The following ULK4 variants were observed in gnomAD, a reference collection of about 807,000 sequenced individuals.
The protein encoded by ULK4 is unc-51 like kinase 4, also known as inactive serine/threonine-protein kinase ULK4.
A neutral mutation model predicts 160.6 loss-of-function variants in ULK4; 133 were observed. That is an observed-to-expected ratio of 0.83 (90% CI 0.72 to 0.96). ULK4 has a LOEUF of 0.96. Among genes scored for constraint, ULK4 ranks in the 40% least tolerant of loss-of-function variants. The pLI, the probability that ULK4 is intolerant of heterozygous loss-of-function variation, is 0.00. For missense variants in ULK4, 1,580 were observed against 1,499.5 expected (o/e 1.05, Z -0.89); for synonymous variants, 534 against 539.8 (o/e 0.99, Z 0.15).
chr3:41,744,333 A>G (rs1467294406), intron 22 of ULK4, among the ~76,000 whole-genome samples: 1 of 151,992 alleles, frequency 6.6e-6, no homozygotes, highest in South Asian at 2.1e-4. Context: ...AATGATATAG[A>G]TAAGTTTAAA....
intron 17 of ULK4, among the ~76,000 whole-genome samples, chr3:41,870,149 T>C (rs1001859748): frequency 1.3e-5 from 2 of 152,240 alleles, no homozygotes; most frequent in African/African-American, 2.4e-5. Context: ...TTAGTTTTGA[T>C]ATTCAGCAGT....
chr3:41,263,434 A>G (rs1387086692), intron 35 of ULK4, among the ~76,000 whole-genome samples: 3 of 152,224 alleles, frequency 2.0e-5, no homozygotes, highest in Middle Eastern at 6.8e-3. Context: ...AGGGAAGCAA[A>G]GTAGAGCCAT....
chr3:41,863,568 G>A (rs60997715), intron 17 of ULK4, among the ~76,000 whole-genome samples: 4,365 of 152,038 alleles, frequency 0.029, 203 homozygotes, highest in African/African-American at 0.1. Flanking sequence ...CCTGAAGCCA[G>A]CAAGTCTTAG....
intron 36 of ULK4, among the ~76,000 whole-genome samples, chr3:41,248,582 G>C (rs545264890): frequency 6.6e-6 from 1 of 152,306 alleles, no homozygotes; most frequent in East Asian, 1.9e-4. Context: ...CACCTTCTTA[G>C]CAATGCTTCA....
intron 35 of ULK4, among the ~76,000 whole-genome samples, chr3:41,357,167 C>T (rs982126754): frequency 8.5e-5 from 13 of 152,080 alleles, no homozygotes; most frequent in Admixed American, 7.2e-4. Context: ...GGTAAACATT[C>T]GATCTTCACA....
chr3:41,487,706 T>C (rs1438220758), intron 32 of ULK4, among the ~76,000 whole-genome samples: 3 of 152,138 alleles, frequency 2.0e-5, no homozygotes, highest in Non-Finnish European at 2.9e-5. Flanking sequence ...AATAAGGCTC[T>C]AAATATAAAA....
At chr3:41,892,524 T>G (rs1264329283) in intron 16 of ULK4, among the ~76,000 whole-genome samples, 6 of 152,224 alleles carry the variant, frequency 3.9e-5, no homozygotes, top group South Asian at 2.1e-4. Flanking sequence ...TAAAAAGGAA[T>G]GAAATGCTGA....
chr3:41,883,430 A>T (rs1178017531), intron 17 of ULK4, among the ~76,000 whole-genome samples: 6 of 152,226 alleles, frequency 3.9e-5, no homozygotes, highest in Admixed American at 6.5e-5. Context: ...ATAAAACTCC[A>T]TTACCAATTA....
chr3:41,433,236 C>G (rs1448786366), intron 34 of ULK4, among the ~76,000 whole-genome samples: 2 of 152,068 alleles, frequency 1.3e-5, no homozygotes, highest in Non-Finnish European at 2.9e-5. Context: ...AATTAACCTA[C>G]AAAAGATGCT....
chr3:41,556,385 T>C (rs2087300730), intron 32 of ULK4, among the ~76,000 whole-genome samples: 3 of 152,038 alleles, frequency 2.0e-5, no homozygotes, highest in Non-Finnish European at 4.4e-5. Flanking sequence ...AAAGTTTCAT[T>C]ATTACTACAG....
intron 22 of ULK4, among the ~76,000 whole-genome samples, chr3:41,733,288 T>C (rs981456403): frequency 3.3e-5 from 5 of 152,158 alleles, no homozygotes; most frequent in Admixed American, 3.3e-4. Flanking sequence ...TAGATAAAAT[T>C]TGCAGTGACT....
At chr3:41,716,458 C>T (rs964607032) in intron 23 of ULK4, among the ~76,000 whole-genome samples, 8 of 151,990 alleles carry the variant, frequency 5.3e-5, no homozygotes, top group African/African-American at 1.9e-4. Context: ...ACCAACTGAC[C>T]AAATTATAGC....
chr3:41,732,313 G>A (rs780836790), intron 22 of ULK4, among the ~76,000 whole-genome samples: 1 of 151,974 alleles, frequency 6.6e-6, no homozygotes, highest in Non-Finnish European at 1.5e-5. Context: ...CAAATGAATA[G>A]ACATTTCTCA....
intron 30 of ULK4, among the ~76,000 whole-genome samples, chr3:41,652,464 C>T (rs969539529): frequency 8.5e-5 from 13 of 152,172 alleles, no homozygotes; most frequent in East Asian, 7.7e-4. Flanking sequence ...GATACAGTGA[C>T]GAGTTATATC....
intron 14 of ULK4, among the ~76,000 whole-genome samples, chr3:41,897,816 T>C (rs905204494): frequency 3.3e-5 from 5 of 152,178 alleles, no homozygotes; most frequent in African/African-American, 9.7e-5. Flanking sequence ...CTTCAAATCA[T>C]AGATTCTACT....
chr3:41,724,645 C>T (rs929424879), intron 22 of ULK4, among the ~76,000 whole-genome samples: 5 of 152,090 alleles, frequency 3.3e-5, no homozygotes, highest in African/African-American at 1.2e-4. Context: ...ATGGCGTGAA[C>T]CCGGGAGGCA....
At chr3:41,844,692 G>A (rs1015029450) in intron 17 of ULK4, among the ~76,000 whole-genome samples, 3 of 152,028 alleles carry the variant, frequency 2.0e-5, no homozygotes, top group South Asian at 2.1e-4. Context: ...AAGAGCGAGC[G>A]AGGGCTGTGA....
chr3:41,498,770 T>C (rs1226137033), intron 32 of ULK4, among the ~76,000 whole-genome samples: 1 of 152,068 alleles, frequency 6.6e-6, no homozygotes, highest in African/African-American at 2.4e-5. Flanking sequence ...TAATTTTTTA[T>C]ATTTTTAGTA....
intron 32 of ULK4, among the ~76,000 whole-genome samples, chr3:41,489,374 G>A (rs9861988): frequency 0.41 from 62,282 of 151,958 alleles, 12,947 homozygotes; most frequent in African/African-American, 0.43. Flanking sequence ...CCTTTATCAG[G>A]TACAGTGGGA....
Sources: allele counts gnomAD v4.1 joint callset (sites outside exome capture counted in the v4.1 genomes callset), GRCh38; gene constraint gnomAD v4.1.1; transcripts MANE v1.5; gene names NCBI Gene and HGNC (gene_info 2026-07-23, HGNC 2026-07-21).